TANGO2: variants seen among roughly 807,000 people sequenced by gnomAD.
TANGO2 encodes the protein transport and Golgi organization protein 2 homolog.
TANGO2 carries 26 observed loss-of-function variants against 39.1 expected under a neutral mutation model. The ratio of observed to expected loss-of-function variants is 0.67; its 90% CI spans 0.49 to 0.92. TANGO2 has a LOEUF of 0.92. Ranked by LOEUF, TANGO2 falls within the 40% of genes least tolerant of loss-of-function variation. The pLI, the probability that TANGO2 is intolerant of heterozygous loss-of-function variation, is 0.00. For missense variants in TANGO2, 326 were observed against 360.1 expected (o/e 0.91, Z 0.77); for synonymous variants, 131 against 144.5 (o/e 0.91, Z 0.67).
At chr22:20,043,061 C>G (rs934872542) in intron 2 of TANGO2, among the ~76,000 whole-genome samples, 1 of 152,104 alleles carries the variant, frequency 6.6e-6, no homozygotes, top group Non-Finnish European at 1.5e-5. Flanking sequence ...AGCCCAGGCT[C>G]CATGGTGCCC....
chr22:20,018,989 G>A (rs1321100276), upstream of TANGO2, among the ~76,000 whole-genome samples: 1 of 152,196 alleles, frequency 6.6e-6, no homozygotes, highest in Non-Finnish European at 1.5e-5. Context: ...GGAGGCTGAG[G>A]CAGGAGATCG....
In TANGO2 at chr22:20,051,295, G is replaced by A. The variant is rs997836410; in HGVS notation, c.146-1170G>A. Reference sequence around the variant, plus strand: ...ACCTGTAATCCCAGCACTTTGGGACGCCAAGGCGGACGGATCACCTGAGGT... The same window carrying A: ...ACCTGTAATCCCAGCACTTTGGGACACCAAGGCGGACGGATCACCTGAGGT... On this transcript the variant is annotated intron_variant, in intron 3 of 8. Coordinates refer to ENST00000327374, the MANE Select transcript of TANGO2 (RefSeq NM_152906.7). Among the ~76,000 whole-genome samples, 7 of 151,890 alleles carry A rather than the reference G, an allele frequency of 4.6e-5. No homozygotes were observed. The East Asian group carries it at 1.2e-3, about 25-fold the overall frequency.
chr22:20,038,028 G>A (rs2043189616), intron 2 of TANGO2, among the ~76,000 whole-genome samples: 1 of 152,216 alleles, frequency 6.6e-6, no homozygotes, highest in South Asian at 2.1e-4. Context: ...GGCAGAGCTT[G>A]CAGTGAGCCG....
At chr22:20,056,704 T>G (rs1033108303) in intron 6 of TANGO2, 16 of 456,564 alleles carry the variant, frequency 3.5e-5, no homozygotes, top group Non-Finnish European at 6.2e-5. Context: ...GGTCTGCATC[T>G]TGTCCCAGGT....
At chr22:20,059,448 G>A (rs2147747795) in intron 6 of TANGO2, among the ~76,000 whole-genome samples, 1 of 152,272 alleles carries the variant, frequency 6.6e-6, no homozygotes, top group East Asian at 1.9e-4. Flanking sequence ...AACCTTTTGA[G>A]GAACATCCAA....
intron 3 of TANGO2, among the ~76,000 whole-genome samples, chr22:20,044,000 A>C (rs2044547367): frequency 6.6e-6 from 1 of 152,176 alleles, no homozygotes; most frequent in African/African-American, 2.4e-5. Context: ...TCCCCACCAA[A>C]GATACCAGCC....
intron 3 of TANGO2, 116 bp downstream of exon 3, chr22:20,043,559 A>G: frequency 1.4e-6 from 1 of 728,128 alleles, no homozygotes; most frequent in Non-Finnish European, 2.3e-6. Flanking sequence ...CGGGGTGTAG[A>G]GGTGGAACTG....
rs2047628600 is a variant in TANGO2 at position 20,057,724 on chromosome 22, G to A, written c.451+1711G>A. Among the ~76,000 whole-genome samples the A allele has an allele frequency of 6.6e-6, 1 of 152,248 alleles. No individual in the cohort carries two copies. The highest frequency in any genetic ancestry group is 2.1e-4 in the South Asian group (1 of 4,836). On this transcript the variant is annotated intron_variant, in intron 6 of 8. Coordinates refer to ENST00000327374, the MANE Select transcript of TANGO2 (RefSeq NM_152906.7). This position sits in a 1 kb window ranked among gnomAD's most constrained non-coding sequence, Gnocchi z 4.1. ...GTTGAGGGTCGTGGGGTTGGAATGTGTGGCGAAGTAGGTCTGTGGCAGTGG... is the reference window on the plus strand; with the variant it reads ...GTTGAGGGTCGTGGGGTTGGAATGTATGGCGAAGTAGGTCTGTGGCAGTGG...
upstream of TANGO2, among the ~76,000 whole-genome samples, chr22:20,017,485 C>G (rs1218248679): frequency 6.6e-6 from 1 of 152,096 alleles, no homozygotes; most frequent in Non-Finnish European, 1.5e-5. Flanking sequence ...AAACCAGGGG[C>G]TCACCTCCCC....
At chr22:20,041,336 G>A (rs368725129) in intron 2 of TANGO2, among the ~76,000 whole-genome samples, 11 of 142,600 alleles carry the variant, frequency 7.7e-5, no homozygotes, top group African/African-American at 2.1e-4. Flanking sequence ...TTTTTGAGAC[G>A]GAGTCTTGCT....
chr22:20,047,260 T>A (rs1445025579), intron 3 of TANGO2, among the ~76,000 whole-genome samples: 1 of 146,918 alleles, frequency 6.8e-6, no homozygotes, highest in Non-Finnish European at 1.5e-5. Flanking sequence ...TGAGACAGAG[T>A]TTCACTCTTG....
At position 20,057,597 on chromosome 22, in the gene TANGO2, G is replaced by A. The variant is rs971690022; in HGVS notation, c.451+1584G>A. Among the ~76,000 whole-genome samples the A allele has an allele frequency of 2.6e-5, 4 of 152,216 alleles. No individual in the cohort carries two copies. Among genetic ancestry groups the A allele is most frequent in the African/African-American group, 4.8e-5 (2 of 41,464 alleles). ...TGGCACAGACACAGAGACTACCAGC[G>A]AGGCAGGGATGTGGCCCCAGAAGGT... On this transcript the variant is annotated intron_variant, in intron 6 of 8. Coordinates refer to ENST00000327374, the MANE Select transcript of TANGO2 (RefSeq NM_152906.7). This position sits in a 1 kb window ranked among gnomAD's most constrained non-coding sequence, Gnocchi z 4.1.
At chr22:20,028,062 G>T (rs1429087136) in intron 1 of TANGO2, among the ~76,000 whole-genome samples, 1 of 152,140 alleles carries the variant, frequency 6.6e-6, no homozygotes, top group Non-Finnish European at 1.5e-5. Context: ...GCCTCCCAAA[G>T]TGCAGGGATT....
At chr22:20,041,560 C>T (rs7364127) in intron 2 of TANGO2, among the ~76,000 whole-genome samples, 8,878 of 152,168 alleles carry the variant, frequency 0.058, 834 homozygotes, top group African/African-American at 0.2. Context: ...GATCCTCCCA[C>T]CTTGGCCTCT....
At chr22:20,043,173 G>A (rs11705124) in intron 2 of TANGO2, among the ~76,000 whole-genome samples, 182 bp from the exon 3 acceptor site, 3 of 152,206 alleles carry the variant, frequency 2.0e-5, no homozygotes, top group African/African-American at 7.2e-5. Flanking sequence ...GCAGGCTCCC[G>A]AGAGCTCACC....
intron 7 of TANGO2, among the ~76,000 whole-genome samples, chr22:20,062,305 G>A (rs144265528): frequency 7.9e-5 from 12 of 152,270 alleles, no homozygotes; most frequent in Non-Finnish European, 1.8e-4. Flanking sequence ...CCCACTGGGC[G>A]AGATGCCCCA....
chr22:20,064,552 A>C lies in TANGO2; in HGVS notation c.721A>C (p.Ile241Leu). The C allele has an allele frequency of 6.2e-7, 1 of 1,614,060 alleles. No individual in the cohort carries two copies. The highest frequency in any genetic ancestry group is 8.5e-7 in the Non-Finnish European group (1 of 1,179,974). ...CCTGCTCTCTTTCAGAACCAACACT[A>C]TCATCCTGGTAGATGCGGACGGCCA... is the stretch of plus-strand genomic sequence containing the variant. ...CPGYGTRTNT[I>L]ILVDADGHVT... is the part of the protein sequence containing the mutation. The change falls in exon 9 of 9, where the codon ATC (isoleucine) becomes CTC (leucine). Residue 241 changes from isoleucine (I) to leucine (L), a missense_variant. By Grantham distance (5) the Ile-to-Leu change is conservative. Coordinates refer to ENST00000327374, the MANE Select transcript of TANGO2 (RefSeq NM_152906.7).
chr22:20,051,935 C>T (rs1334482039), intron 3 of TANGO2, among the ~76,000 whole-genome samples: 1 of 152,170 alleles, frequency 6.6e-6, no homozygotes, highest in African/African-American at 2.4e-5. Context: ...AAATGACCCC[C>T]TGGTCTAAGA....
At chr22:20,028,985 C>G in intron 1 of TANGO2, among the ~76,000 whole-genome samples, 1 of 152,248 alleles carries the variant, frequency 6.6e-6, no homozygotes, top group Non-Finnish European at 1.5e-5. Context: ...ATCAGGGTGC[C>G]AGACCTTGTC....
Sources: gnomAD v4.1 joint callset for allele counts (sites outside exome capture counted in the v4.1 genomes callset) on GRCh38, gnomAD v4.1.1 for gene constraint, Gnocchi (gnomAD v3.1) non-coding constraint, MANE v1.5 for transcripts, NCBI Gene and HGNC (gene_info 2026-07-23, HGNC 2026-07-21) for gene names.